The following LMX1A variants were observed in gnomAD, a reference collection of about 807,000 sequenced individuals.
LMX1A encodes the protein LIM homeobox transcription factor 1-alpha.
In LMX1A, 15 loss-of-function variants were observed where a neutral mutation model predicts 49.1. The ratio of observed to expected loss-of-function variants is 0.31; its 90% CI spans 0.20 to 0.47. The LOEUF (loss-of-function observed/expected upper bound fraction) is 0.47. LMX1A is among the 20% of genes least tolerant of loss of function. The pLI is 1.00. For synonymous variants in LMX1A, 167 were observed against 185.7 expected, an observed-to-expected ratio of 0.90 and a Z score of 0.82; for missense variants, 372 against 475.8, an observed-to-expected ratio of 0.78 and a Z score of 2.03.
At chr1:165,220,596 G>A (rs982861983) in intron 4 of LMX1A, among the ~76,000 whole-genome samples, 4 of 152,216 alleles carry the variant, frequency 2.6e-5, no homozygotes, top group Non-Finnish European at 5.9e-5. Flanking sequence ...CAGGTTTCAT[G>A]CAAGGCTTGT....
At chr1:165,268,880 C>G (rs1437667423) in intron 3 of LMX1A, among the ~76,000 whole-genome samples, 3 of 152,198 alleles carry the variant, frequency 2.0e-5, no homozygotes, top group Non-Finnish European at 4.4e-5. Flanking sequence ...TAAGCCATTG[C>G]AAAGACCATA....
At chr1:165,234,100 T>A (rs1220974947) in intron 4 of LMX1A, among the ~76,000 whole-genome samples, 2 of 152,178 alleles carry the variant, frequency 1.3e-5, no homozygotes, top group African/African-American at 2.4e-5. Flanking sequence ...CAGAGTATAT[T>A]CAAATAAGAT....
intron 3 of LMX1A, among the ~76,000 whole-genome samples, chr1:165,250,971 C>A (rs1653039851): frequency 6.6e-6 from 1 of 151,954 alleles, no homozygotes. Context: ...GTGCACTCCA[C>A]CAAGTTAGAG....
At chr1:165,229,975 G>A (rs1351865543) in intron 4 of LMX1A, among the ~76,000 whole-genome samples, 1 of 152,172 alleles carries the variant, frequency 6.6e-6, no homozygotes, top group Non-Finnish European at 1.5e-5. Flanking sequence ...AAAAGGTTAG[G>A]CCTTTGGAGG....
intron 5 of LMX1A, chr1:165,213,280 C>CA (rs11384556): frequency 0.13 from 24,532 of 182,210 alleles, 1,867 homozygotes; most frequent in South Asian, 0.19. Context: ...AAGCCAGACT[C>CA]AAAAAAGAGT....
At chr1:165,342,523 T>A (rs1358001717) in intron 3 of LMX1A, among the ~76,000 whole-genome samples, 2 of 152,016 alleles carry the variant, frequency 1.3e-5, no homozygotes, top group African/African-American at 4.8e-5. Context: ...AGAAGAGCTA[T>A]GCTATATGCT....
At chr1:165,301,864 T>C (rs1289077449) in intron 3 of LMX1A, among the ~76,000 whole-genome samples, 1 of 152,160 alleles carries the variant, frequency 6.6e-6, no homozygotes. Flanking sequence ...TATTTCCTTG[T>C]GAGATGACTT....
intron 4 of LMX1A, among the ~76,000 whole-genome samples, chr1:165,246,810 T>C (rs999413556): frequency 5.9e-5 from 9 of 152,214 alleles, no homozygotes; most frequent in South Asian, 2.1e-4. Context: ...ACATCATTCT[T>C]GTCATTCATA....
At position 165,355,356 on chromosome 1, in the gene LMX1A, G is replaced by T; in HGVS notation, c.76+128C>A. On this transcript the variant is annotated intron_variant, in intron 2 of 8. Coordinates refer to ENST00000342310, the MANE Select transcript of LMX1A (RefSeq NM_177398.4). This position sits in a 1 kb window ranked among gnomAD's most constrained non-coding sequence, Gnocchi z 4.7. ...GCACTGACGGACAGATAGTGATGGG[G>T]CTCAATTTAGTGTATGAAGAGGGGC... The T allele has an allele frequency of 1.2e-6, 1 of 824,084 alleles. No individual in the cohort carries two copies. Among genetic ancestry groups the T allele is most frequent in the Non-Finnish European group, 2.0e-6 (1 of 509,066 alleles). The allele number at this position is 824,084 out of a possible 1,614,324, so 51.0% of individuals were successfully genotyped here. A position where few individuals can be genotyped will look rare whatever the true frequency, so the allele number is the denominator to read the frequency against.
chr1:165,214,273 G>T (rs771406766), intron 4 of LMX1A, among the ~76,000 whole-genome samples: 1 of 152,160 alleles, frequency 6.6e-6, no homozygotes, highest in Non-Finnish European at 1.5e-5. Context: ...TTTCTCTCCT[G>T]CTTTGCCATG....
In LMX1A at chr1:165,237,575, AAAAAC is replaced by A. The variant is rs556901718; in HGVS notation, c.496+11828_496+11832del. Among the ~76,000 whole-genome samples, 60 of 152,242 alleles carry A rather than the reference AAAAAC, an allele frequency of 3.9e-4. 1 individual carries two copies. The South Asian group carries it at 0.012, about 29-fold the overall frequency. On this transcript the variant is annotated intron_variant, in intron 4 of 8. Coordinates refer to ENST00000342310, the MANE Select transcript of LMX1A (RefSeq NM_177398.4). ...AATCCCTGATCAGAATCAGAAAAAC[AAAAAC>A]AAAACAAAACAAAAAAACCCAAGCA...
chr1:165,219,295 T>C (rs1386942789), intron 4 of LMX1A, among the ~76,000 whole-genome samples: 3 of 151,990 alleles, frequency 2.0e-5, no homozygotes, highest in Non-Finnish European at 4.4e-5. Flanking sequence ...GAGCTTGGCC[T>C]AGGAGGCGAG....
At position 165,355,445 on chromosome 1, in the gene LMX1A, A is replaced by G; in HGVS notation, c.76+39T>C. On this transcript the variant is annotated intron_variant, in intron 2 of 8. Coordinates refer to ENST00000342310, the MANE Select transcript of LMX1A (RefSeq NM_177398.4). This position sits in a 1 kb window ranked among gnomAD's most constrained non-coding sequence, Gnocchi z 4.7. ...GGCTCCAGAGCTCAGCGCCAAGCGG[A>G]AAGAGAGTGCGCCCAGGACGCACGG... The G allele has an allele frequency of 6.2e-7, 1 of 1,605,856 alleles. No individual in the cohort carries two copies. The highest frequency in any genetic ancestry group is 8.5e-7 in the Non-Finnish European group (1 of 1,173,636).
intron 3 of LMX1A, among the ~76,000 whole-genome samples, chr1:165,262,256 G>A (rs918221443): frequency 6.6e-6 from 1 of 152,236 alleles, no homozygotes; most frequent in East Asian, 1.9e-4. Context: ...TTAATAAAAT[G>A]AGACAATCTC....
chr1:165,228,785 A>T (rs1298666550), intron 4 of LMX1A, among the ~76,000 whole-genome samples: 2 of 152,210 alleles, frequency 1.3e-5, no homozygotes, highest in African/African-American at 2.4e-5. Context: ...TTCTACGAGC[A>T]GTCAGCACCA....
chr1:165,253,850 C>G (rs1370512830), intron 3 of LMX1A, among the ~76,000 whole-genome samples: 1 of 152,154 alleles, frequency 6.6e-6, no homozygotes, highest in Non-Finnish European at 1.5e-5. Context: ...TCCTCTCGCC[C>G]AGTGTGGTTT....
At chr1:165,276,660 T>C (rs1343553) in intron 3 of LMX1A, among the ~76,000 whole-genome samples, 16,480 of 78,546 alleles carry the variant, frequency 0.21, 1,070 homozygotes, top group Admixed American at 0.27. Flanking sequence ...TAAAGAAAAG[T>C]CAAAAAAAAA....
At position 165,217,856 on chromosome 1, in the gene LMX1A, T is replaced by G. The variant is rs141080735; in HGVS notation, c.497-4043A>C. ...TTTTCTTTCTTTGAGTCCTCCTTCC[T>G]GCTATTCAATATCTCATTCTCTTCC... On this transcript the variant is annotated intron_variant, in intron 4 of 8. Coordinates refer to ENST00000342310, the MANE Select transcript of LMX1A (RefSeq NM_177398.4). 3.7e-3 allele frequency among the ~76,000 whole-genome samples: 561 copies of G among 152,356 alleles called. 1 individual carries two copies. Among genetic ancestry groups the G allele is most frequent in the Non-Finnish European group, 5.8e-3 (393 of 68,034 alleles).
rs530181385 is a variant in LMX1A at position 165,202,927 on chromosome 1, C to T, written c.*953G>A. On this transcript the variant is annotated 3_prime_UTR_variant, in exon 9 of 9. Transcript: ENST00000342310. ...TTAGTCTCAGCCCTGCTCATGTGTC[C>T]TGGGAATGAATTAAGCCTTGGTGTT... 6.6e-6 allele frequency: 1 copy of T among 152,640 alleles called. No individual in the cohort carries two copies. The highest frequency in any genetic ancestry group is 1.5e-5 in the Non-Finnish European group (1 of 68,074). 9.5% of individuals were successfully genotyped at this position (152,640 alleles called of 1,614,324 possible).
Sources: allele counts gnomAD v4.1 joint callset (sites outside exome capture counted in the v4.1 genomes callset), GRCh38; gene constraint gnomAD v4.1.1; non-coding constraint Gnocchi (gnomAD v3.1); transcripts MANE v1.5; gene names NCBI Gene and HGNC (gene_info 2026-07-23, HGNC 2026-07-21).